Variants in PRELP observed in about 807,000 individuals in gnomAD.
The protein encoded by PRELP is prolargin.
A neutral mutation model predicts 22.8 loss-of-function variants in PRELP; 16 were observed. The observed-to-expected ratio is 0.70, with a 90% CI of 0.47 to 1.06. PRELP has a LOEUF of 1.06. Among genes scored for constraint, PRELP ranks in the 50% least tolerant of loss-of-function variants. The pLI, the probability that PRELP is intolerant of heterozygous loss-of-function variation, is 0.00. For synonymous variants in PRELP, 233 were observed against 211.4 expected, an observed-to-expected ratio of 1.10 and a Z score of -0.89; for missense variants, 434 against 485.2, an observed-to-expected ratio of 0.89 and a Z score of 0.99.
chr1:203,483,600 G>A lies in PRELP; in HGVS notation c.416G>A (p.Arg139His), dbSNP rs142542892. 2.4e-5 allele frequency: 38 copies of A among 1,614,188 alleles called. No individual in the cohort carries two copies. In the African/African-American group the frequency reaches 3.7e-4, roughly 16 times the overall value. The part of the protein sequence containing the change: ...RWINLDNNRI[R>H]KIDQRVLEKL... ...ATTAACCTGGACAACAACCGAATCC[G>A]CAAGATAGACCAGAGGGTGCTGGAG... is the stretch of plus-strand genomic sequence containing the variant. The change falls in exon 2 of 3, where the codon CGC (arginine) becomes CAC (histidine). Residue 139 changes from arginine to histidine, a missense_variant. Physicochemically the swap from Arg to His is conservative, Grantham distance 29. Transcript: ENST00000343110. This position sits in a 1 kb window ranked among gnomAD's most constrained non-coding sequence, Gnocchi z 4.4.
In PRELP at chr1:203,483,214, A is replaced by G. The variant is rs1456475339; in HGVS notation, c.30A>G (p.Pro10=). The change falls in exon 2 of 3, where the codon CCA becomes CCG. Residue 10 remains proline (P), a synonymous_variant. Transcript: ENST00000343110. The surrounding 1 kb of genome is among the most constrained non-coding windows in gnomAD (Gnocchi z 4.4). MRSPLCWLL[P]LLILASVAQG... is the part of the protein sequence containing the mutation. ...GGTCACCCCTCTGCTGGCTCCTCCC[A>G]CTTCTCATCTTGGCCTCAGTGGCCC... 1.9e-5 allele frequency: 29 copies of G among 1,563,780 alleles called. No homozygotes were observed. The highest frequency in any genetic ancestry group is 2.4e-5 in the Non-Finnish European group (28 of 1,158,820).
At chr1:203,479,671 T>A (rs748277715) in intron 1 of PRELP, among the ~76,000 whole-genome samples, 9 of 121,134 alleles carry the variant, frequency 7.4e-5, no homozygotes, top group Non-Finnish European at 1.3e-4. Flanking sequence ...ACTACTGCAC[T>A]CTAGCCTGGT....
chr1:203,483,894 C>T lies in PRELP; in HGVS notation c.710C>T (p.Pro237Leu), dbSNP rs747424733. ...GCCCACAACATCCTGAGAAAGATGCCGCCCAGGGTCCCCACCGCCATTCAC... is the reference window on the plus strand; with the variant it reads ...GCCCACAACATCCTGAGAAAGATGCTGCCCAGGGTCCCCACCGCCATTCAC... ...NLAHNILRKM[P>L]PRVPTAIHQL... The change falls in exon 2 of 3, where the codon CCG becomes CTG. Residue 237 changes from proline (P) to leucine (L), a missense_variant. By Grantham distance (98) the Pro-to-Leu change is moderately conservative. Transcript: ENST00000343110. The surrounding 1 kb of genome is among the most constrained non-coding windows in gnomAD (Gnocchi z 4.4). The T allele has an allele frequency of 4.3e-6, 7 of 1,614,214 alleles. No homozygotes were observed. The highest frequency in any genetic ancestry group is 2.2e-5 in the East Asian group (1 of 44,886).
Position 203,489,373 on chromosome 1 carries a change from C to T in PRELP, c.*2492C>T, listed in dbSNP as rs1661152576. 6.6e-6 allele frequency: 1 copy of T among 152,192 alleles called. No individual in the cohort carries two copies. Among genetic ancestry groups the T allele is most frequent in the South Asian group, 2.1e-4 (1 of 4,826 alleles). The allele number at this position is 152,192 out of a possible 1,614,324, so 9.4% of individuals were successfully genotyped here. On this transcript the variant is annotated 3_prime_UTR_variant, in exon 3 of 3. Coordinates refer to ENST00000343110, the MANE Select transcript of PRELP (RefSeq NM_002725.4). The stretch of plus-strand genomic sequence containing the variant: ...TCAAGGTAAATAGGCTTTACAGGCT[C>T]CCCTCCTCCAAACACACACAGAATG...
Position 203,486,937 on chromosome 1 carries a change from A to T in PRELP, c.*56A>T, listed in dbSNP as rs1571588959. 1 of 1,502,640 alleles carries T rather than the reference A, an allele frequency of 6.7e-7. No homozygotes were observed. Among genetic ancestry groups the T allele is most frequent in the Admixed American group, 2.0e-5 (1 of 50,674 alleles). 93.1% of individuals were successfully genotyped at this position (1,502,640 alleles called of 1,614,324 possible). A position where few individuals can be genotyped will look rare whatever the true frequency, so the allele number is the denominator to read the frequency against. ...CGCACTTGAAGGCTGGGGCCCAGGC[A>T]CCTGTGCCGGCCATTCGTTTTCTCT... On this transcript the variant is annotated 3_prime_UTR_variant, in exon 3 of 3. Transcript: ENST00000343110.
rs772323178 is a variant in PRELP, at chr1:203,486,891, C to T, written c.*10C>T. ...GTCCGTGGTCATCTAGGCCCTACTC[C>T]GCCACCGGATCTGCTCTGACCGCAC... On this transcript the variant is annotated 3_prime_UTR_variant, in exon 3 of 3. Transcript: ENST00000343110. The T allele has an allele frequency of 1.1e-5, 18 of 1,608,942 alleles. No individual in the cohort carries two copies. Among genetic ancestry groups the T allele is most frequent in the Non-Finnish European group, 1.4e-5 (16 of 1,176,832 alleles).
intron 2 of PRELP, among the ~76,000 whole-genome samples, chr1:203,485,840 G>T (rs1270409681): frequency 6.6e-6 from 1 of 152,152 alleles, no homozygotes; most frequent in Non-Finnish European, 1.5e-5. Context: ...TGGTGCCACA[G>T]GCATCCAACA....
intron 2 of PRELP, 106 bp downstream of exon 2, chr1:203,484,263 A>C: frequency 1.0e-5 from 15 of 1,457,836 alleles, no homozygotes; most frequent in Non-Finnish European, 1.3e-5. Context: ...AAAAGCATCC[A>C]CTTTGGCACT....
In PRELP at chr1:203,489,078, C is replaced by T. The variant is rs1276986965; in HGVS notation, c.*2197C>T. 6.6e-6 allele frequency: 1 copy of T among 152,636 alleles called. No individual in the cohort carries two copies. Among genetic ancestry groups the T allele is most frequent in the Non-Finnish European group, 1.5e-5 (1 of 68,050 alleles). The allele number at this position is 152,636 out of a possible 1,614,324, so 9.5% of individuals were successfully genotyped here. A position where few individuals can be genotyped will look rare whatever the true frequency, so the allele number is the denominator to read the frequency against. The stretch of plus-strand genomic sequence containing the variant: ...ACAATCGCCGCATTCTTTCTAGCTG[C>T]AGCTGGTTTCTTCAAGGCTCCTGCT... On this transcript the variant is annotated 3_prime_UTR_variant, in exon 3 of 3. Coordinates refer to ENST00000343110, the MANE Select transcript of PRELP (RefSeq NM_002725.4).
chr1:203,486,807 GGAAACTACTT>G lies in PRELP; in HGVS notation c.1079_1088del (p.Asn360SerfsTer9). ...ACACCTGCGCTACCTGCGGCTGGATGGAAACTACTTGAAGCCGCCCATCCCGCTGGACCTC... is the reference window on the plus strand; with the variant it reads ...ACACCTGCGCTACCTGCGGCTGGATGGAAGCCGCCCATCCCGCTGGACCTC... On this transcript the variant is annotated frameshift_variant, in exon 3 of 3. Coordinates refer to ENST00000343110, the MANE Select transcript of PRELP (RefSeq NM_002725.4). LOFTEE classifies it high-confidence loss of function. 6.2e-7 allele frequency: 1 copy of G among 1,614,226 alleles called. No homozygotes were observed. The highest frequency in any genetic ancestry group is 8.5e-7 in the Non-Finnish European group (1 of 1,180,034).
Position 203,483,338 on chromosome 1 carries a change from C to T in PRELP, c.154C>T (p.Pro52Ser). The T allele has an allele frequency of 6.2e-7, 1 of 1,614,108 alleles. No individual in the cohort carries two copies. Among genetic ancestry groups the T allele is most frequent in the Non-Finnish European group, 8.5e-7 (1 of 1,180,008 alleles). ...PTPSFPQPDE[P>S]AEPTDLPPPL... ...ACCCAGCTTTCCTCAGCCTGATGAA[C>T]CAGCAGAGCCAACAGACCTGCCTCC... Residue 52 changes from proline to serine, a missense_variant, in exon 2 of 3, where the codon CCA (proline) becomes TCA (serine). Physicochemically the swap from Pro to Ser is moderately conservative, Grantham distance 74. Coordinates refer to ENST00000343110, the MANE Select transcript of PRELP (RefSeq NM_002725.4). This position sits in a 1 kb window ranked among gnomAD's most constrained non-coding sequence, Gnocchi z 4.4.
Position 203,484,213 on chromosome 1 carries a change from C to T in PRELP, c.973+56C>T, listed in dbSNP as rs921970439. The T allele has an allele frequency of 9.5e-6, 15 of 1,573,858 alleles. No individual in the cohort carries two copies. The African/African-American group carries it at 1.7e-4, about 18-fold the overall frequency. On this transcript the variant is annotated intron_variant, in intron 2 of 2. Transcript: ENST00000343110. ...GGCAAGGAGGTTGGCTTGTGTAGCA[C>T]TTCCACCCTCTCTAGGGAGACTCAG...
chr1:203,485,398 C>A (rs1661075632), intron 2 of PRELP, among the ~76,000 whole-genome samples: 1 of 152,178 alleles, frequency 6.6e-6, no homozygotes, highest in South Asian at 2.1e-4. Context: ...CCCACATGAG[C>A]CCACCCCATC....
chr1:203,484,542 G>A (rs542483699), intron 2 of PRELP, among the ~76,000 whole-genome samples: 20 of 152,284 alleles, frequency 1.3e-4, no homozygotes, highest in South Asian at 8.3e-4. Flanking sequence ...TATACTCCTG[G>A]ACATTCTGCT....
In PRELP at chr1:203,483,388, T is replaced by A; in HGVS notation, c.204T>A (p.Ser68=). 3 of 1,614,070 alleles carry A rather than the reference T, an allele frequency of 1.9e-6. No homozygotes were observed. Among genetic ancestry groups the A allele is most frequent in the Non-Finnish European group, 2.5e-6 (3 of 1,179,996 alleles). ...CTCCCCTCCCTCCAGGCCCTCCATCTATCTTCCCTGACTGTCCCCGCGAAT... is the reference window on the plus strand; with the variant it reads ...CTCCCCTCCCTCCAGGCCCTCCATCAATCTTCCCTGACTGTCCCCGCGAAT... ...LPPPLPPGPP[S]IFPDCPRECY... is the part of the protein sequence containing the mutation. The change falls in exon 2 of 3, where the codon TCT becomes TCA. Residue 68 remains serine (S), a synonymous_variant. Coordinates refer to ENST00000343110, the MANE Select transcript of PRELP (RefSeq NM_002725.4). The surrounding 1 kb of genome is among the most constrained non-coding windows in gnomAD (Gnocchi z 4.4).
rs1471721858 is a variant in PRELP, at chr1:203,483,832, C to G, written c.648C>G (p.Thr216=). The part of the protein sequence containing the change: ...RLSDGVFKPD[T]FHGLKNLMQL... The stretch of plus-strand genomic sequence containing the variant: ...GCGACGGCGTCTTCAAGCCCGACAC[C>G]TTCCATGGCCTCAAGAACCTCATGC... The change falls in exon 2 of 3, where the codon ACC becomes ACG. Residue 216 remains threonine (T), a synonymous_variant. Coordinates refer to ENST00000343110, the MANE Select transcript of PRELP (RefSeq NM_002725.4). This position sits in a 1 kb window ranked among gnomAD's most constrained non-coding sequence, Gnocchi z 4.4. 6.2e-7 allele frequency: 1 copy of G among 1,614,034 alleles called. No homozygotes were observed. Among genetic ancestry groups the G allele is most frequent in the African/African-American group, 1.3e-5 (1 of 74,938 alleles).
chr1:203,488,976 C>G lies in PRELP; in HGVS notation c.*2095C>G, dbSNP rs1326190804. On this transcript the variant is annotated 3_prime_UTR_variant, in exon 3 of 3. Transcript: ENST00000343110. Reference sequence around the variant, plus strand: ...AACTTCAAGAAATTCCCATTATGCTCCTTCTCACCTTTCTTTTTTGCTAAT... The same window carrying G: ...AACTTCAAGAAATTCCCATTATGCTGCTTCTCACCTTTCTTTTTTGCTAAT... The G allele has an allele frequency of 6.6e-6, 1 of 152,426 alleles. No homozygotes were observed. The highest frequency in any genetic ancestry group is 1.5e-5 in the Non-Finnish European group (1 of 68,048). 9.4% of individuals were successfully genotyped at this position (152,426 alleles called of 1,614,324 possible). A position where few individuals can be genotyped will look rare whatever the true frequency, so the allele number is the denominator to read the frequency against.
At position 203,479,738 on chromosome 1, in the gene PRELP, C is replaced by T. The variant is rs568328470; in HGVS notation, c.-16-3431C>T. 1.5e-4 allele frequency among the ~76,000 whole-genome samples: 15 copies of T among 99,202 alleles called. 1 individual carries two copies. In the South Asian group the frequency reaches 5.0e-3, roughly 33 times the overall value. The allele number at this position is 99,202 out of a possible 152,430, so 65.1% of individuals were successfully genotyped here. ...AAAAAAAAAAAAAAAAAAAAAAAAT[C>T]AAGGAGTCTCTCTAGAGAATCTGCT... On this transcript the variant is annotated intron_variant, in intron 1 of 2. Coordinates refer to ENST00000343110, the MANE Select transcript of PRELP (RefSeq NM_002725.4).
chr1:203,477,211 T>C (rs1246987123), intron 1 of PRELP, among the ~76,000 whole-genome samples: 1 of 152,148 alleles, frequency 6.6e-6, no homozygotes, highest in African/African-American at 2.4e-5. Flanking sequence ...AATCTTGTTT[T>C]AATACTTCAG....
Sources: allele counts gnomAD v4.1 joint callset (sites outside exome capture counted in the v4.1 genomes callset), GRCh38; gene constraint gnomAD v4.1.1; non-coding constraint Gnocchi (gnomAD v3.1); transcripts MANE v1.5; gene names NCBI Gene and HGNC (gene_info 2026-07-23, HGNC 2026-07-21).